The following HOMER1 variants were observed in gnomAD, a reference collection of about 807,000 sequenced individuals.
The protein encoded by HOMER1 is homer scaffold protein 1, also known as homer protein homolog 1.
Under a neutral mutation model 48.9 loss-of-function variants are expected in HOMER1, and 3 were observed. The ratio of observed to expected loss-of-function variants is 0.06; its 90% confidence interval spans 0.03 to 0.16. The LOEUF (loss-of-function observed/expected upper bound fraction) is 0.16. HOMER1 is among the 10% of genes least tolerant of loss of function. HOMER1 has a pLI of 1.00. For synonymous variants in HOMER1, 134 were observed against 146.4 expected (o/e 0.92, Z 0.61); for missense variants, 247 against 411.4 (o/e 0.60, Z 3.46).
chr5:79,413,417 C>A (rs949609121), intron 5 of HOMER1, among the ~76,000 whole-genome samples: 1 of 151,950 alleles, frequency 6.6e-6, no homozygotes, highest in Admixed American at 6.6e-5. Context: ...AGTATATAAC[C>A]CAAGGAAATT....
chr5:79,375,993 T>C lies in HOMER1; in HGVS notation c.*16A>G. The C allele has an allele frequency of 6.3e-7, 1 of 1,578,670 alleles. No homozygotes were observed. The highest frequency in any genetic ancestry group is 8.6e-7 in the Non-Finnish European group (1 of 1,156,826). The stretch of plus-strand genomic sequence containing the variant: ...AGTGTATCTTTTAATTAATTGGCAC[T>C]GAAATTTCACTTTCCTTAGCTGCAT... On this transcript the variant is annotated 3_prime_UTR_variant, in exon 9 of 9. Coordinates refer to ENST00000334082, the MANE Select transcript of HOMER1 (RefSeq NM_004272.5).
chr5:79,479,329 T>C (rs578086389), intron 1 of HOMER1, among the ~76,000 whole-genome samples: 2 of 152,236 alleles, frequency 1.3e-5, no homozygotes, highest in African/African-American at 4.8e-5. Flanking sequence ...GCAAAAGGGA[T>C]TTTGCAGATG....
intron 1 of HOMER1, among the ~76,000 whole-genome samples, chr5:79,467,125 G>A (rs1026005930): frequency 2.4e-4 from 37 of 152,090 alleles, no homozygotes; most frequent in Admixed American, 8.5e-4. Flanking sequence ...TAGGCTGGGC[G>A]CAGAGGATCA....
intron 1 of HOMER1, among the ~76,000 whole-genome samples, chr5:79,497,695 A>C (rs1202536951): frequency 2.0e-5 from 3 of 151,286 alleles, no homozygotes; most frequent in Non-Finnish European, 4.4e-5. Flanking sequence ...CAGCTTAATC[A>C]AGTTTTCCTC....
At chr5:79,402,261 G>C (rs1418685162) in intron 5 of HOMER1, among the ~76,000 whole-genome samples, 1 of 151,892 alleles carries the variant, frequency 6.6e-6, no homozygotes, top group Non-Finnish European at 1.5e-5. Flanking sequence ...CGCCTCCTGG[G>C]TTCAAGCGAT....
intron 1 of HOMER1, among the ~76,000 whole-genome samples, chr5:79,458,788 T>C (rs140400831): frequency 2.6e-4 from 39 of 152,336 alleles, no homozygotes; most frequent in Non-Finnish European, 4.7e-4. Context: ...TTAATAATTA[T>C]TAACAATCTG....
chr5:79,480,023 C>A (rs1435019552), intron 1 of HOMER1, among the ~76,000 whole-genome samples: 1 of 151,968 alleles, frequency 6.6e-6, no homozygotes, highest in African/African-American at 2.4e-5. Flanking sequence ...AGCAATTGTT[C>A]AAAAGTAACA....
intron 1 of HOMER1, among the ~76,000 whole-genome samples, chr5:79,468,830 A>C (rs567872133): frequency 2.0e-5 from 3 of 152,310 alleles, no homozygotes; most frequent in Admixed American, 2.0e-4. Flanking sequence ...ATGTCCACGT[A>C]ACATCTTTAA....
intron 1 of HOMER1, among the ~76,000 whole-genome samples, chr5:79,485,619 A>G (rs2112349106): frequency 6.6e-6 from 1 of 152,354 alleles, no homozygotes; most frequent in Admixed American, 6.5e-5. Context: ...ACAGGTCATA[A>G]CACCCATGGA....
At chr5:79,463,242 T>C (rs549942078) in intron 1 of HOMER1, among the ~76,000 whole-genome samples, 90 of 152,340 alleles carry the variant, frequency 5.9e-4, no homozygotes, top group African/African-American at 2.2e-3. Flanking sequence ...AATCCCATTC[T>C]TGCCAGAAGT....
intron 8 of HOMER1, among the ~76,000 whole-genome samples, chr5:79,392,882 A>T (rs1749286064): frequency 6.6e-6 from 1 of 151,672 alleles, no homozygotes; most frequent in African/African-American, 2.4e-5. Flanking sequence ...TTCTGTGTTT[A>T]GATGTGCTTA....
chr5:79,509,059 G>A (rs60142017), intron 1 of HOMER1, among the ~76,000 whole-genome samples: 31,175 of 152,158 alleles, frequency 0.2, 3,517 homozygotes, highest in African/African-American at 0.28. Flanking sequence ...TCACATTTTT[G>A]CTACAACCCC....
chr5:79,486,760 C>G (rs1301923925), intron 1 of HOMER1, among the ~76,000 whole-genome samples: 1 of 152,060 alleles, frequency 6.6e-6, no homozygotes, highest in Non-Finnish European at 1.5e-5. Flanking sequence ...CAGATAAACC[C>G]CAGGTTATGC....
chr5:79,401,102 T>C (rs763744628), intron 6 of HOMER1, among the ~76,000 whole-genome samples: 17 of 151,942 alleles, frequency 1.1e-4, no homozygotes, highest in Non-Finnish European at 2.2e-4. Context: ...AAATCTCTAA[T>C]ATTACCAAAG....
At chr5:79,483,691 C>T (rs1459148164) in intron 1 of HOMER1, among the ~76,000 whole-genome samples, 6 of 149,352 alleles carry the variant, frequency 4.0e-5, no homozygotes, top group Admixed American at 4.0e-4. Context: ...GGTAAATATG[C>T]AGGTAAATAC....
intron 5 of HOMER1, among the ~76,000 whole-genome samples, chr5:79,412,340 A>T (rs1334550819): frequency 6.6e-6 from 1 of 152,208 alleles, no homozygotes; most frequent in Non-Finnish European, 1.5e-5. Context: ...ATTTGTGTCC[A>T]GTCTACTAAA....
intron 5 of HOMER1, among the ~76,000 whole-genome samples, chr5:79,427,605 G>A (rs557874196): frequency 2.0e-5 from 3 of 152,054 alleles, no homozygotes; most frequent in African/African-American, 7.2e-5. Flanking sequence ...GCCATGGTAT[G>A]TTTACAACCT....
At chr5:79,493,040 TC>T (rs972238048) in intron 1 of HOMER1, among the ~76,000 whole-genome samples, 3 of 148,226 alleles carry the variant, frequency 2.0e-5, no homozygotes, top group African/African-American at 5.0e-5. Flanking sequence ...TGCCTCAGTC[TC>T]CCAAGTAGCT....
Position 79,427,800 on chromosome 5 carries a change from CTTTCCTTCCTTCCTTCT to C in HOMER1, c.527+11193_527+11209del, listed in dbSNP as rs1394307965. On this transcript the variant is annotated intron_variant, in intron 5 of 8. Coordinates refer to ENST00000334082, the MANE Select transcript of HOMER1 (RefSeq NM_004272.5). The stretch of plus-strand genomic sequence containing the variant: ...TTTCCTTCATTTCCTTCCTTCCTTC[CTTTCCTTCCTTCCTTCT>C]TTTCCTTCCTTCCTTCCTTTCCTTC... 5.2e-4 allele frequency among the ~76,000 whole-genome samples: 73 copies of C among 139,660 alleles called. 2 individuals carry two copies. Among genetic ancestry groups the C allele is most frequent in the African/African-American group, 1.6e-3 (51 of 32,070 alleles). The allele number at this position is 139,660 out of a possible 152,430, so 91.6% of individuals were successfully genotyped here. A position where few individuals can be genotyped will look rare whatever the true frequency, so the allele number is the denominator to read the frequency against.
Sources: gnomAD v4.1 joint callset for allele counts (sites outside exome capture counted in the v4.1 genomes callset) on GRCh38, gnomAD v4.1.1 for gene constraint, MANE v1.5 for transcripts, NCBI Gene and HGNC (gene_info 2026-07-23, HGNC 2026-07-21) for gene names.